EXOC4: variants seen among roughly 807,000 people sequenced by gnomAD.
EXOC4 encodes exocyst complex component 4.
A neutral mutation model predicts 107.2 loss-of-function variants in EXOC4; 71 were observed. That is an observed-to-expected ratio of 0.66 (90% CI 0.55 to 0.81). The LOEUF is 0.81. Among genes scored for constraint, EXOC4 ranks in the 30% least tolerant of loss-of-function variants. The probability of loss-of-function intolerance (pLI) is 0.00; values close to 1 mark genes in which losing one functional copy is unlikely to be tolerated. For missense variants in EXOC4, 1,108 were observed against 1,189.6 expected (o/e 0.93, Z 1.01); for synonymous variants, 456 against 441.2 (o/e 1.03, Z -0.42).
rs1236137373 is a variant in EXOC4 at position 133,475,249 on chromosome 7, CATGGTTTTAAA to C, written c.1183-76_1183-66del. 3 of 1,230,696 alleles carry C rather than the reference CATGGTTTTAAA, an allele frequency of 2.4e-6. No homozygotes were observed. The East Asian group carries it at 7.2e-5, about 30-fold the overall frequency. The allele number at this position is 1,230,696 out of a possible 1,614,324, so 76.2% of individuals were successfully genotyped here. A position where few individuals can be genotyped will look rare whatever the true frequency, so the allele number is the denominator to read the frequency against. ...AATGTTGGTTTTAGAATTAGATTTG[CATGGTTTTAAA>C]ATAGTTTTTCTTAATTGCACATTAA... is the stretch of plus-strand genomic sequence containing the variant. On this transcript the variant is annotated intron_variant, in intron 7 of 17. Coordinates refer to ENST00000253861, the MANE Select transcript of EXOC4 (RefSeq NM_021807.4).
At chr7:133,707,871 C>T (rs1794802689) in intron 10 of EXOC4, among the ~76,000 whole-genome samples, 1 of 152,130 alleles carries the variant, frequency 6.6e-6, no homozygotes, top group Non-Finnish European at 1.5e-5. Context: ...GGATTATGGG[C>T]ATGAGTCACT....
At chr7:133,931,971 A>G (rs1477163519) in intron 13 of EXOC4, among the ~76,000 whole-genome samples, 1 of 152,240 alleles carries the variant, frequency 6.6e-6, no homozygotes, top group East Asian at 1.9e-4. Context: ...TTCTGTGCTC[A>G]GCCTTAAGAA....
chr7:133,818,689 T>C (rs1022918270), intron 11 of EXOC4, among the ~76,000 whole-genome samples: 3 of 152,178 alleles, frequency 2.0e-5, no homozygotes, highest in African/African-American at 7.2e-5. Flanking sequence ...TTCCTTCTGC[T>C]GGATATCTCT....
chr7:133,828,589 A>G (rs1797748309), intron 11 of EXOC4, among the ~76,000 whole-genome samples: 1 of 152,160 alleles, frequency 6.6e-6, no homozygotes, highest in Non-Finnish European at 1.5e-5. Flanking sequence ...TTAACATTTC[A>G]AGTAAAGCAG....
At chr7:133,432,517 A>G (rs542874426) in intron 7 of EXOC4, among the ~76,000 whole-genome samples, 117 of 152,302 alleles carry the variant, frequency 7.7e-4, no homozygotes, top group African/African-American at 2.6e-3. Context: ...TTTATGTAAT[A>G]TATGTATTCC....
At chr7:133,916,263 C>G (rs1799805583) in intron 12 of EXOC4, among the ~76,000 whole-genome samples, 1 of 152,190 alleles carries the variant, frequency 6.6e-6, no homozygotes, top group African/African-American at 2.4e-5. Flanking sequence ...AGGTAGAGCT[C>G]AGGTAGTAAC....
At chr7:133,828,131 T>A (rs1797741244) in intron 11 of EXOC4, among the ~76,000 whole-genome samples, 1 of 152,212 alleles carries the variant, frequency 6.6e-6, no homozygotes, top group Admixed American at 6.5e-5. Flanking sequence ...GAGAAGGTAA[T>A]GCCTTATGAC....
intron 3 of EXOC4, among the ~76,000 whole-genome samples, chr7:133,302,799 A>G (rs1399421888): frequency 6.6e-6 from 1 of 152,112 alleles, no homozygotes; most frequent in Non-Finnish European, 1.5e-5. Context: ...TGCTGTCTGC[A>G]TTAATCCAAC....
At chr7:133,646,276 T>G (rs1386432477) in intron 10 of EXOC4, among the ~76,000 whole-genome samples, 1 of 152,162 alleles carries the variant, frequency 6.6e-6, no homozygotes, top group Non-Finnish European at 1.5e-5. Flanking sequence ...TGTCATACAC[T>G]TTGGAGCTTC....
chr7:133,773,138 T>C (rs559257028), intron 10 of EXOC4, among the ~76,000 whole-genome samples: 12 of 152,094 alleles, frequency 7.9e-5, no homozygotes, highest in African/African-American at 2.9e-4. Flanking sequence ...ATAAGAAGGC[T>C]CTCAGTGCCT....
At chr7:133,300,497 A>G (rs190913295) in intron 3 of EXOC4, among the ~76,000 whole-genome samples, 12 of 152,212 alleles carry the variant, frequency 7.9e-5, no homozygotes, top group Non-Finnish European at 1.5e-5. Flanking sequence ...CCATACTCTT[A>G]TTCCCCCGAC....
intron 14 of EXOC4, among the ~76,000 whole-genome samples, chr7:133,939,495 G>T (rs887695327): frequency 2.0e-5 from 3 of 152,098 alleles, no homozygotes; most frequent in African/African-American, 7.2e-5. Context: ...AAATATTACT[G>T]CATATTTATA....
At chr7:133,367,750 G>C (rs890710460) in intron 6 of EXOC4, among the ~76,000 whole-genome samples, 3 of 152,106 alleles carry the variant, frequency 2.0e-5, no homozygotes, top group African/African-American at 7.2e-5. Context: ...CTTCCTTATA[G>C]GGCTGCCCTA....
chr7:133,911,782 C>T (rs1034800340), intron 12 of EXOC4, among the ~76,000 whole-genome samples: 2 of 152,190 alleles, frequency 1.3e-5, no homozygotes, highest in African/African-American at 2.4e-5. Flanking sequence ...CATGGATGCG[C>T]TCAAAGACGT....
intron 10 of EXOC4, among the ~76,000 whole-genome samples, chr7:133,672,254 G>A (rs1025541235): frequency 1.3e-5 from 2 of 151,946 alleles, no homozygotes; most frequent in Non-Finnish European, 1.5e-5. Context: ...AGCCGGGCGT[G>A]GTGGCGGGCA....
At chr7:133,539,768 T>G (rs1416360812) in intron 9 of EXOC4, among the ~76,000 whole-genome samples, 1 of 152,134 alleles carries the variant, frequency 6.6e-6, no homozygotes, top group African/African-American at 2.4e-5. Flanking sequence ...GAAGATCCCA[T>G]CATTGATGGG....
At chr7:133,480,739 CATGTAA>C (rs1328190018) in intron 9 of EXOC4, 1 of 151,912 alleles carries the variant, frequency 6.6e-6, no homozygotes, top group Admixed American at 6.6e-5. Context: ...AGATGCTGAT[CATGTAA>C]ATGTAATGAG....
intron 10 of EXOC4, among the ~76,000 whole-genome samples, chr7:133,638,921 A>C (rs554939217): frequency 2.0e-5 from 3 of 152,292 alleles, no homozygotes; most frequent in South Asian, 4.1e-4. Flanking sequence ...TATATATAAA[A>C]GACAGTAGAA....
intron 4 of EXOC4, among the ~76,000 whole-genome samples, chr7:133,312,921 AT>A (rs1005384906): frequency 2.0e-5 from 3 of 151,970 alleles, no homozygotes; most frequent in Non-Finnish European, 2.9e-5. Flanking sequence ...TAATTCTTTT[AT>A]TTATTGCATG....
Sources: gnomAD v4.1 joint callset for allele counts (sites outside exome capture counted in the v4.1 genomes callset) on GRCh38, gnomAD v4.1.1 for gene constraint, MANE v1.5 for transcripts, NCBI Gene and HGNC (gene_info 2026-07-23, HGNC 2026-07-21) for gene names.